VGF: variants seen among roughly 807,000 people sequenced by gnomAD.
The protein encoded by VGF is neurosecretory protein VGF.
In VGF, 13 loss-of-function variants were observed where a neutral mutation model predicts 41.1. That is an observed-to-expected ratio of 0.32 (90% CI 0.21 to 0.50). VGF has a LOEUF of 0.50. VGF is among the 20% of genes least tolerant of loss of function. The pLI is 0.98. For synonymous variants in VGF, 473 were observed against 418.3 expected (o/e 1.13, Z -1.60); for missense variants, 920 against 882.1 (o/e 1.04, Z -0.54).
chr7:101,165,595 T>C (rs1434203455), upstream of VGF: 1 of 985,240 alleles, frequency 1.0e-6, no homozygotes, highest in Non-Finnish European at 1.2e-6. Context: ...CTCCACCGCC[T>C]TATAAAGGGG....
chr7:101,162,814 G>A lies in VGF; in HGVS notation c.*182C>T, dbSNP rs1797128181. 3.0e-6 allele frequency: 2 copies of A among 658,820 alleles called. No homozygotes were observed. The highest frequency in any genetic ancestry group is 5.6e-6 in the Non-Finnish European group (2 of 358,596). The allele number at this position is 658,820 out of a possible 1,614,324, so 40.8% of individuals were successfully genotyped here. Reference sequence around the variant, plus strand: ...CCGGTCACCCGCGGGTGAGCTCTGGGAGTTCGGGCTCAGGACCCGGGAGGG... The same window carrying A: ...CCGGTCACCCGCGGGTGAGCTCTGGAAGTTCGGGCTCAGGACCCGGGAGGG... On this transcript the variant is annotated 3_prime_UTR_variant, in exon 2 of 2. Coordinates refer to ENST00000249330, the MANE Select transcript of VGF (RefSeq NM_003378.4). This position sits in a 1 kb window ranked among gnomAD's most constrained non-coding sequence, Gnocchi z 4.2.
At chr7:101,166,523 G>C (rs1046899303), upstream of VGF, among the ~76,000 whole-genome samples, 1 of 150,080 alleles carries the variant, frequency 6.7e-6, no homozygotes. Flanking sequence ...GGTGGGGGGG[G>C]GGTGACTCAA....
upstream of VGF, chr7:101,165,597 A>G: frequency 2.0e-6 from 2 of 985,318 alleles, no homozygotes; most frequent in Non-Finnish European, 2.4e-6. Context: ...CCACCGCCTT[A>G]TAAAGGGGAG....
At chr7:101,167,349 A>C (rs1478367800), upstream of VGF, among the ~76,000 whole-genome samples, 3 of 152,150 alleles carry the variant, frequency 2.0e-5, no homozygotes, top group Non-Finnish European at 2.9e-5. The surrounding 1 kb of genome is among the most constrained non-coding windows in gnomAD (Gnocchi z 4.2). Context: ...AGAAAAAAAA[A>C]CTGAGAACCA....
At chr7:101,167,275 A>T (rs745456130), upstream of VGF, among the ~76,000 whole-genome samples, 1 of 151,708 alleles carries the variant, frequency 6.6e-6, no homozygotes, top group Non-Finnish European at 1.5e-5. This position sits in a 1 kb window ranked among gnomAD's most constrained non-coding sequence, Gnocchi z 4.2. Flanking sequence ...GAGAGAAGAG[A>T]TGGGGGCAGG....
At position 101,164,810 on chromosome 7, in the gene VGF, A is replaced by G; in HGVS notation, c.34T>C (p.Phe12Leu). 1 of 1,575,984 alleles carries G rather than the reference A, an allele frequency of 6.3e-7. No individual in the cohort carries two copies. The highest frequency in any genetic ancestry group is 8.6e-7 in the Non-Finnish European group (1 of 1,156,900). ...AACCCGTTGATCAGCAGAAGGCAGA[A>G]GAGGGCGGAAGCCGACAATCTGAGG... Reference protein sequence around the residue: ...KALRLSASALFCLLLINGLGA... With the variant: ...KALRLSASALLCLLLINGLGA... Residue 12 changes from phenylalanine to leucine, a missense_variant, in exon 2 of 2, where the codon TTC becomes CTC. Physicochemically the swap from Phe to Leu is conservative, Grantham distance 22. Transcript: ENST00000249330.
Position 101,165,366 on chromosome 7 carries a change from G to C in VGF, c.-21+8C>G. On this transcript the variant is annotated splice_region_variant and intron_variant, in intron 1 of 1. Transcript: ENST00000249330. ...GAGGGTTTGAGGGACGAACAGCGGA[G>C]TATTTACCAGCTGGTGTCACGACGC... 1.0e-6 allele frequency: 1 copy of C among 985,546 alleles called. No homozygotes were observed. Among genetic ancestry groups the C allele is most frequent in the Non-Finnish European group, 1.2e-6 (1 of 830,042 alleles). 61.1% of individuals were successfully genotyped at this position (985,546 alleles called of 1,614,324 possible).
chr7:101,168,138 A>G (rs1307503435), upstream of VGF, among the ~76,000 whole-genome samples: 2 of 151,950 alleles, frequency 1.3e-5, no homozygotes, highest in East Asian at 1.9e-4. Flanking sequence ...GTGGTACACA[A>G]CAATGTGTGT....
At position 101,163,409 on chromosome 7, in the gene VGF, T is replaced by A. The variant is rs1330678978; in HGVS notation, c.1435A>T (p.Lys479Ter). ...GGGGCGTTCTTCTTCCGCTTCCGCT[T>A]CTCCTCCACCTCCTCGATGATGCTG... ...VVSIIEEVEE[K>*]RKRKKNAPPE... Residue 479 changes from lysine (K) to a stop codon, truncating the protein, a stop_gained, in exon 2 of 2, where the codon AAG becomes TAG. Transcript: ENST00000249330. LOFTEE classifies it high-confidence loss of function. The surrounding 1 kb of genome is among the most constrained non-coding windows in gnomAD (Gnocchi z 5.0). The A allele has an allele frequency of 6.2e-7, 1 of 1,606,480 alleles. No homozygotes were observed. Among genetic ancestry groups the A allele is most frequent in the African/African-American group, 1.3e-5 (1 of 74,814 alleles).
chr7:101,165,545 T>C lies in VGF; in HGVS notation c.-192A>G. The C allele has an allele frequency of 2.0e-6, 2 of 985,370 alleles. No homozygotes were observed. Among genetic ancestry groups the C allele is most frequent in the Non-Finnish European group, 2.4e-6 (2 of 829,928 alleles). The allele number at this position is 985,370 out of a possible 1,614,324, so 61.0% of individuals were successfully genotyped here. On this transcript the variant is annotated 5_prime_UTR_variant, in exon 1 of 2. Coordinates refer to ENST00000249330, the MANE Select transcript of VGF (RefSeq NM_003378.4). ...CTGGGTCGGCGCGGCTCCGGGCGGC[T>C]AGCTCGCTCCGGCTTCAGCACGCTG...
chr7:101,163,971 C>T lies in VGF; in HGVS notation c.873G>A (p.Glu291=). 4 of 1,465,162 alleles carry T rather than the reference C, an allele frequency of 2.7e-6. No homozygotes were observed. In the South Asian group the frequency reaches 5.6e-5, roughly 21 times the overall value. 90.8% of individuals were successfully genotyped at this position (1,465,162 alleles called of 1,614,324 possible). ...RPESALLGGS[E]AGERLLQQGL... Reference sequence around the variant, plus strand: ...CTTGCTGGAGAAGGCGCTCGCCCGCCTCGGAGCCGCCCAGGAGTGCGCTCT... The same window carrying T: ...CTTGCTGGAGAAGGCGCTCGCCCGCTTCGGAGCCGCCCAGGAGTGCGCTCT... The change falls in exon 2 of 2, where the codon GAG becomes GAA. Residue 291 remains glutamate, a synonymous_variant. Coordinates refer to ENST00000249330, the MANE Select transcript of VGF (RefSeq NM_003378.4). The surrounding 1 kb of genome is among the most constrained non-coding windows in gnomAD (Gnocchi z 5.0).
rs545846186 is a variant in VGF at position 101,163,863 on chromosome 7, G to T, written c.981C>A (p.Leu327=). 465 of 1,497,034 alleles carry T rather than the reference G, an allele frequency of 3.1e-4. 1 individual carries two copies. Among genetic ancestry groups the T allele is most frequent in the Middle Eastern group, 2.5e-3 (11 of 4,326 alleles). The allele number at this position is 1,497,034 out of a possible 1,614,324, so 92.7% of individuals were successfully genotyped here. ...AAAQEERLAD[L]ASDLLLQYLL... ...AATACTGGAGCAGCAGGTCCGAGGC[G>T]AGGTCGGCCAGCCGCTCTTCCTGCG... is the stretch of plus-strand genomic sequence containing the variant. The change falls in exon 2 of 2, where the codon CTC becomes CTA. Residue 327 remains leucine (L), a synonymous_variant. Coordinates refer to ENST00000249330, the MANE Select transcript of VGF (RefSeq NM_003378.4). The surrounding 1 kb of genome is among the most constrained non-coding windows in gnomAD (Gnocchi z 5.0).
intron 1 of VGF, 68 bp from the exon 2 acceptor site, chr7:101,164,931 C>A: frequency 7.0e-7 from 1 of 1,436,786 alleles, no homozygotes; most frequent in South Asian, 1.6e-5. Context: ...TCTACGTTCC[C>A]TTCCCCCACC....
chr7:101,164,683 C>T lies in VGF; in HGVS notation c.161G>A (p.Gly54Asp), dbSNP rs1315239166. The T allele has an allele frequency of 3.7e-6, 6 of 1,600,624 alleles. No homozygotes were observed. Among genetic ancestry groups the T allele is most frequent in the Non-Finnish European group, 5.1e-6 (6 of 1,174,088 alleles). The part of the protein sequence containing the change: ...AGDAVPGPKD[G>D]SAPEVRGARN... ...AGCGCCTCGGACCTCTGGGGCGCTG[C>T]CATCCTTTGGCCCGGGCACTGCGTC... Residue 54 changes from glycine to aspartate, a missense_variant, in exon 2 of 2, where the codon GGC (glycine) becomes GAC (aspartate). By Grantham distance (94) the Gly-to-Asp change is moderately conservative. Around this residue, in one of 3 missense-constraint regions of VGF, gnomAD observed 654 missense variants for 638.4 expected, o/e 1.02. Transcript: ENST00000249330.
At chr7:101,165,608 C>G (rs1160944561), upstream of VGF, 1 of 985,254 alleles carries the variant, frequency 1.0e-6, no homozygotes, top group Non-Finnish European at 1.2e-6. Context: ...TAAAGGGGAG[C>G]GCGCGGGGTC....
rs1296738804 is a variant in VGF, at chr7:101,162,797, C to T, written c.*199G>A. The T allele has an allele frequency of 3.1e-6, 2 of 651,908 alleles. No individual in the cohort carries two copies. The highest frequency in any genetic ancestry group is 2.1e-5 in the Admixed American group (1 of 48,144). The allele number at this position is 651,908 out of a possible 1,614,324, so 40.4% of individuals were successfully genotyped here. A position where few individuals can be genotyped will look rare whatever the true frequency, so the allele number is the denominator to read the frequency against. On this transcript the variant is annotated 3_prime_UTR_variant, in exon 2 of 2. Transcript: ENST00000249330. This position sits in a 1 kb window ranked among gnomAD's most constrained non-coding sequence, Gnocchi z 4.2. ...CCCTCCTGGGCTGGCCCCCGGTCACCCGCGGGTGAGCTCTGGGAGTTCGGG... is the reference window on the plus strand; with the variant it reads ...CCCTCCTGGGCTGGCCCCCGGTCACTCGCGGGTGAGCTCTGGGAGTTCGGG...
Position 101,162,738 on chromosome 7 carries a change from C to T in VGF, c.*258G>A. 1.7e-6 allele frequency: 1 copy of T among 603,688 alleles called. No homozygotes were observed. The highest frequency in any genetic ancestry group is 3.1e-6 in the Non-Finnish European group (1 of 323,896). The allele number at this position is 603,688 out of a possible 1,614,324, so 37.4% of individuals were successfully genotyped here. On this transcript the variant is annotated 3_prime_UTR_variant, in exon 2 of 2. Coordinates refer to ENST00000249330, the MANE Select transcript of VGF (RefSeq NM_003378.4). The surrounding 1 kb of genome is among the most constrained non-coding windows in gnomAD (Gnocchi z 4.2). ...CAGAGGGACTTGATGGGGCCGGGGC[C>T]CCGCGTGGCAAGGGAACTCGCACAA...
In VGF at chr7:101,163,004, G is replaced by T; in HGVS notation, c.1840C>A (p.Arg614Ser). 6.9e-7 allele frequency: 1 copy of T among 1,454,058 alleles called. No homozygotes were observed. Among genetic ancestry groups the T allele is most frequent in the East Asian group, 2.8e-5 (1 of 35,528 alleles). 90.1% of individuals were successfully genotyped at this position (1,454,058 alleles called of 1,614,324 possible). The change falls in exon 2 of 2, where the codon CGC (arginine) becomes AGC (serine). Residue 614 changes from arginine to serine, a missense_variant. Physicochemically the swap from Arg to Ser is moderately radical, Grantham distance 110. Around this residue, in one of 3 missense-constraint regions of VGF, gnomAD observed 257 missense variants for 217.2 expected, o/e 1.18. Coordinates refer to ENST00000249330, the MANE Select transcript of VGF (RefSeq NM_003378.4). This position sits in a 1 kb window ranked among gnomAD's most constrained non-coding sequence, Gnocchi z 5.0. The stretch of plus-strand genomic sequence containing the variant: ...GGGACCGGGAAGGGCAGTCACGGGC[G>T]CCGGAGCAGCACGTGCTCGATGTAA... ...ENYIEHVLLRRP is the reference protein window; with the variant it reads ...ENYIEHVLLRSP
rs937434517 is a variant in VGF at position 101,163,742 on chromosome 7, C to G, written c.1102G>C (p.Glu368Gln). The G allele has an allele frequency of 1.2e-5, 19 of 1,535,180 alleles. No individual in the cohort carries two copies. The highest frequency in any genetic ancestry group is 1.7e-5 in the Non-Finnish European group (19 of 1,146,040). The change falls in exon 2 of 2, where the codon GAG becomes CAG. Residue 368 changes from glutamate to glutamine, a missense_variant. Coordinates refer to ENST00000249330, the MANE Select transcript of VGF (RefSeq NM_003378.4). The surrounding 1 kb of genome is among the most constrained non-coding windows in gnomAD (Gnocchi z 5.0). ...RESAREEEEA[E>Q]QERRGGEERV... ...TCCTCCCCGCCGCGTCTCTCCTGCT[C>G]CGCCTCCTCCTCCTCCCTTGCACTC...
Sources: allele counts gnomAD v4.1 joint callset (sites outside exome capture counted in the v4.1 genomes callset), GRCh38; gene constraint gnomAD v4.1.1; regional missense constraint gnomAD v4.1.1; non-coding constraint Gnocchi (gnomAD v3.1); transcripts MANE v1.5; gene names NCBI Gene and HGNC (gene_info 2026-07-23, HGNC 2026-07-21).